The following ANKS1B variants were observed in gnomAD, a reference collection of about 807,000 sequenced individuals.
ANKS1B encodes ankyrin repeat and sterile alpha motif domain-containing protein 1B.
Under a neutral mutation model 148.3 loss-of-function variants are expected in ANKS1B, and 36 were observed. The observed-to-expected ratio is 0.24, with a 90% confidence interval of 0.19 to 0.32. The LOEUF (loss-of-function observed/expected upper bound fraction) is 0.32. Ranked by LOEUF, ANKS1B falls within the 10% of genes least tolerant of loss-of-function variation. ANKS1B has a pLI of 1.00. For missense variants in ANKS1B, 1,157 were observed against 1,542.6 expected, an observed-to-expected ratio of 0.75 and a Z score of 4.19; for synonymous variants, 542 against 560.8, an observed-to-expected ratio of 0.97 and a Z score of 0.47.
intron 17 of ANKS1B, among the ~76,000 whole-genome samples, chr12:98,836,398 T>C (rs2099363209): frequency 6.6e-6 from 1 of 152,152 alleles, no homozygotes; most frequent in South Asian, 2.1e-4. Flanking sequence ...CACCCAAGAT[T>C]CAATCCGAGC....
intron 1 of ANKS1B, among the ~76,000 whole-genome samples, chr12:99,860,598 A>G (rs1239119804): frequency 6.6e-6 from 1 of 152,230 alleles, no homozygotes; most frequent in African/African-American, 2.4e-5. Context: ...GTGAGACTAG[A>G]GATTAGTACT....
At chr12:99,322,128 C>G (rs1179664321) in intron 12 of ANKS1B, among the ~76,000 whole-genome samples, 2 of 152,074 alleles carry the variant, frequency 1.3e-5, no homozygotes, top group African/African-American at 4.8e-5. Flanking sequence ...CAATGTTAGA[C>G]TGGATAAGAA....
At chr12:99,601,306 CCT>C (rs1185863205) in intron 9 of ANKS1B, among the ~76,000 whole-genome samples, 3 of 151,986 alleles carry the variant, frequency 2.0e-5, no homozygotes, top group African/African-American at 4.8e-5. Flanking sequence ...AAAATTTTCA[CCT>C]CTTTCTTACC....
chr12:98,755,333 A>G lies in ANKS1B; in HGVS notation c.3580-3811T>C, dbSNP rs2098210122. Among the ~76,000 whole-genome samples the G allele has an allele frequency of 1.3e-5, 2 of 152,220 alleles. 1 individual carries two copies. Among genetic ancestry groups the G allele is most frequent in the South Asian group, 4.1e-4 (2 of 4,838 alleles). On this transcript the variant is annotated intron_variant, in intron 25 of 26. Transcript: ENST00000683438. ...ATCAGAAGGCTTAGGTGAGAAGCCC[A>G]TCTTGCAAACCTCAATGATGCTGGC...
At chr12:99,693,914 A>G (rs193267752) in intron 8 of ANKS1B, among the ~76,000 whole-genome samples, 2,464 of 150,632 alleles carry the variant, frequency 0.016, 29 homozygotes, top group Non-Finnish European at 0.025. Flanking sequence ...CCGAGTAGCT[A>G]GGACTACAGA....
At chr12:99,484,866 C>A in intron 10 of ANKS1B, among the ~76,000 whole-genome samples, 1 of 138,920 alleles carries the variant, frequency 7.2e-6, no homozygotes, top group Admixed American at 7.5e-5. Flanking sequence ...TGTGGAATAT[C>A]TTTTTCCACC....
chr12:99,629,431 G>C (rs2098137915), intron 9 of ANKS1B, among the ~76,000 whole-genome samples: 1 of 152,076 alleles, frequency 6.6e-6, no homozygotes, highest in Non-Finnish European at 1.5e-5. Context: ...ATATTACTAG[G>C]AGGTACTCTA....
intron 17 of ANKS1B, among the ~76,000 whole-genome samples, chr12:98,859,918 TTTTC>T (rs1302946193): frequency 1.3e-5 from 2 of 152,190 alleles, no homozygotes; most frequent in Non-Finnish European, 2.9e-5. Context: ...GGCTCTCATA[TTTTC>T]TTTATTACAC....
intron 14 of ANKS1B, among the ~76,000 whole-genome samples, chr12:99,166,391 T>G (rs1868483428): frequency 6.6e-6 from 1 of 151,826 alleles, no homozygotes; most frequent in Non-Finnish European, 1.5e-5. Flanking sequence ...GAGACCTACA[T>G]AAAAACTACA....
chr12:98,837,590 T>A (rs1010491812), intron 17 of ANKS1B, among the ~76,000 whole-genome samples: 1 of 152,186 alleles, frequency 6.6e-6, no homozygotes, highest in East Asian at 1.9e-4. Context: ...ATAATCATGC[T>A]GGATGACAAT....
intron 8 of ANKS1B, among the ~76,000 whole-genome samples, chr12:99,732,993 A>T (rs2059308796): frequency 6.7e-6 from 1 of 149,950 alleles, no homozygotes. Context: ...ATACTATTTC[A>T]CAAGAGTGTT....
intron 10 of ANKS1B, among the ~76,000 whole-genome samples, chr12:99,494,595 T>C (rs1595858538): frequency 6.6e-6 from 1 of 151,240 alleles, no homozygotes; most frequent in East Asian, 2.0e-4. Flanking sequence ...TAGCCGGGCG[T>C]GGTGGCGGGC....
At chr12:99,306,796 A>T (rs1176404744) in intron 12 of ANKS1B, among the ~76,000 whole-genome samples, 1 of 151,854 alleles carries the variant, frequency 6.6e-6, no homozygotes, top group African/African-American at 2.4e-5. Flanking sequence ...TCTAGTGTTC[A>T]TTTTCACATA....
intron 8 of ANKS1B, among the ~76,000 whole-genome samples, chr12:99,655,880 T>C (rs2098447432): frequency 6.6e-6 from 1 of 152,114 alleles, no homozygotes; most frequent in South Asian, 2.1e-4. Context: ...CAGATGGGTA[T>C]TACCTGACTT....
At chr12:99,587,033 T>C (rs2097649522) in intron 9 of ANKS1B, among the ~76,000 whole-genome samples, 1 of 152,126 alleles carries the variant, frequency 6.6e-6, no homozygotes, top group Non-Finnish European at 1.5e-5. Context: ...TTTTGATTGA[T>C]TGTACTCTAT....
chr12:99,398,103 T>G lies in ANKS1B; in HGVS notation c.1756+1528A>C, dbSNP rs546479959. On this transcript the variant is annotated intron_variant, in intron 12 of 26. Transcript: ENST00000683438. The stretch of plus-strand genomic sequence containing the variant: ...AGTTGGGTTTTATTCTAAGTGCGAT[T>G]AGAAGACATGGGAACATTTTAAGCA... 2.6e-5 allele frequency among the ~76,000 whole-genome samples: 4 copies of G among 152,272 alleles called. No homozygotes were observed. In the South Asian group the frequency reaches 8.3e-4, roughly 32 times the overall value.
At chr12:98,845,474 G>C (rs1423338302) in intron 17 of ANKS1B, among the ~76,000 whole-genome samples, 1 of 152,030 alleles carries the variant, frequency 6.6e-6, no homozygotes, top group Non-Finnish European at 1.5e-5. Context: ...TGTAAGGCTG[G>C]GTGCTTATAT....
intron 10 of ANKS1B, among the ~76,000 whole-genome samples, chr12:99,497,670 C>T (rs559276884): frequency 1.2e-4 from 18 of 151,842 alleles, no homozygotes; most frequent in African/African-American, 4.1e-4. Flanking sequence ...ACTTGATTAT[C>T]TTTACAATGA....
chr12:99,329,917 G>C (rs2087176302), intron 12 of ANKS1B, among the ~76,000 whole-genome samples: 1 of 151,746 alleles, frequency 6.6e-6, no homozygotes. Flanking sequence ...ATAATTTCCA[G>C]AGCTCCCACC....
Sources: allele counts gnomAD v4.1 joint callset (sites outside exome capture counted in the v4.1 genomes callset), GRCh38; gene constraint gnomAD v4.1.1; transcripts MANE v1.5; gene names NCBI Gene and HGNC (gene_info 2026-07-23, HGNC 2026-07-21).